Variants in FBXO34 observed in about 807,000 individuals in gnomAD.
FBXO34 encodes the protein F-box only protein 34.
Under a neutral mutation model 24.5 loss-of-function variants are expected in FBXO34, and 12 were observed. That is an observed-to-expected ratio of 0.49 (90% CI 0.31 to 0.79). The LOEUF (loss-of-function observed/expected upper bound fraction) is 0.79, where lower values mean the gene tolerates loss of function less well. Ranked by LOEUF, FBXO34 falls within the 30% of genes least tolerant of loss-of-function variation. The probability of loss-of-function intolerance (pLI) is 0.04; values close to 1 mark genes in which losing one functional copy is unlikely to be tolerated. For missense variants in FBXO34, 823 were observed against 857.7 expected, an observed-to-expected ratio of 0.96 and a Z score of 0.51; for synonymous variants, 320 against 311.9, an observed-to-expected ratio of 1.03 and a Z score of -0.27.
intron 1 of FBXO34, among the ~76,000 whole-genome samples, chr14:55,316,564 CAAAAA>C (rs35008153): frequency 3.4e-5 from 4 of 118,166 alleles, no homozygotes; most frequent in African/African-American, 3.1e-5. Context: ...CTGTCTCTAC[CAAAAA>C]AAAAAAAAAA....
the FBXO34 span, chr14:55,440,565 G>T: frequency 6.4e-7 from 1 of 1,570,794 alleles, no homozygotes; most frequent in Non-Finnish European, 8.6e-7. Flanking sequence ...TGGGGGCAGC[G>T]AGGCGGGGCG....
At chr14:55,365,804 T>C (rs1884665090), downstream of FBXO34, among the ~76,000 whole-genome samples, 1 of 152,164 alleles carries the variant, frequency 6.6e-6, no homozygotes, top group Admixed American at 6.5e-5. Context: ...ACCATGGCAA[T>C]AGCTCCTGAG....
At chr14:55,383,595 AAC>A in the FBXO34 span, among the ~76,000 whole-genome samples, 18 of 151,596 alleles carry the variant, frequency 1.2e-4, no homozygotes, top group East Asian at 1.4e-3. Flanking sequence ...CAACAAAAAA[AAC>A]CCCCAAGAAC....
At chr14:55,330,746 A>C (rs541160102) in intron 1 of FBXO34, among the ~76,000 whole-genome samples, 1 of 152,270 alleles carries the variant, frequency 6.6e-6, no homozygotes, top group Admixed American at 6.5e-5. Context: ...AGCAGTGATC[A>C]CGCCACTGCA....
downstream of FBXO34, among the ~76,000 whole-genome samples, chr14:55,356,228 G>A (rs7144737): frequency 0.4 from 60,082 of 151,972 alleles, 12,160 homozygotes; most frequent in Non-Finnish European, 0.43. Context: ...CCATAGCTCC[G>A]TTCCTTCTTC....
At chr14:55,346,788 G>A (rs1004096280) in intron 1 of FBXO34, among the ~76,000 whole-genome samples, 1 of 152,142 alleles carries the variant, frequency 6.6e-6, no homozygotes, top group Non-Finnish European at 1.5e-5. Flanking sequence ...AGGCCGTTGA[G>A]TTTATTGTGT....
intron 1 of FBXO34, among the ~76,000 whole-genome samples, chr14:55,303,165 G>C (rs1017019039): frequency 5.4e-5 from 8 of 149,216 alleles, no homozygotes; most frequent in African/African-American, 2.0e-4. Context: ...TTTAAATTTT[G>C]AGTGCCTCCC....
At chr14:55,356,755 G>A (rs1026116895), downstream of FBXO34, among the ~76,000 whole-genome samples, 4 of 152,004 alleles carry the variant, frequency 2.6e-5, no homozygotes, top group South Asian at 2.1e-4. Context: ...ACCGTGCCTG[G>A]CTGTTTCTGT....
the FBXO34 span, among the ~76,000 whole-genome samples, chr14:55,422,731 T>C: frequency 2.0e-5 from 3 of 152,102 alleles, no homozygotes; most frequent in African/African-American, 7.2e-5. Context: ...CATGTGCCTG[T>C]AGTCTCAGCT....
the FBXO34 span, chr14:55,436,612 A>T: frequency 6.2e-6 from 10 of 1,614,234 alleles, no homozygotes; most frequent in Non-Finnish European, 8.5e-6. Context: ...CATTGGTGTC[A>T]TGGGAGTTAT....
intron 1 of FBXO34, among the ~76,000 whole-genome samples, chr14:55,325,202 A>G (rs924356522): frequency 1.3e-5 from 2 of 152,222 alleles, no homozygotes; most frequent in Non-Finnish European, 2.9e-5. Flanking sequence ...TTAATCTGTT[A>G]TATTTTAGCA....
At chr14:55,379,421 G>T in the FBXO34 span, among the ~76,000 whole-genome samples, 4 of 151,906 alleles carry the variant, frequency 2.6e-5, no homozygotes, top group African/African-American at 9.7e-5. Flanking sequence ...ATGAACCTGT[G>T]GTCCCAGCAA....
chr14:55,380,855 GTA>G, the FBXO34 span, among the ~76,000 whole-genome samples: 33 of 118,060 alleles, frequency 2.8e-4, no homozygotes, highest in Middle Eastern at 4.6e-3. Flanking sequence ...TTCTTTGTGT[GTA>G]TATATATATA....
At chr14:55,416,521 C>T in the FBXO34 span, among the ~76,000 whole-genome samples, 2 of 152,154 alleles carry the variant, frequency 1.3e-5, no homozygotes, top group African/African-American at 2.4e-5. Context: ...AGGTCTTCAC[C>T]TTCAAAGATT....
At chr14:55,373,539 A>C (rs913708881), downstream of FBXO34, among the ~76,000 whole-genome samples, 30 of 152,164 alleles carry the variant, frequency 2.0e-4, no homozygotes, top group Non-Finnish European at 3.7e-4. Flanking sequence ...AGCTCACTGC[A>C]AACTCCGCCT....
downstream of FBXO34, among the ~76,000 whole-genome samples, chr14:55,374,829 G>C (rs1308079284): frequency 6.6e-6 from 1 of 152,150 alleles, no homozygotes; most frequent in Non-Finnish European, 1.5e-5. Context: ...ACAAGAGTCT[G>C]TTTCGGGACT....
downstream of FBXO34, among the ~76,000 whole-genome samples, chr14:55,362,508 C>T (rs949292880): frequency 6.6e-6 from 1 of 151,782 alleles, no homozygotes; most frequent in Non-Finnish European, 1.5e-5. Context: ...TGTGACAAAG[C>T]AAAGCGCAAA....
At position 55,305,282 on chromosome 14, in the gene FBXO34, C is replaced by T. The variant is rs373824407; in HGVS notation, c.-11+33745C>T. Among the ~76,000 whole-genome samples, 10 of 152,082 alleles carry T rather than the reference C, an allele frequency of 6.6e-5. 1 individual carries two copies. The highest frequency in any genetic ancestry group is 1.4e-4 in the African/African-American group (6 of 41,486). On this transcript the variant is annotated intron_variant, in intron 1 of 1. Coordinates refer to ENST00000313833, the MANE Select transcript of FBXO34 (RefSeq NM_017943.4). ...AAAAAGTTAGCTGGGCATGGTGGTG[C>T]GCACCTGTAGTCCCAGCTACTCAGG...
chr14:55,280,806 G>A (rs1054649531), intron 1 of FBXO34, among the ~76,000 whole-genome samples: 1 of 152,100 alleles, frequency 6.6e-6, no homozygotes, highest in African/African-American at 2.4e-5. Flanking sequence ...GATTACAGGC[G>A]TGAACCACCA....
Sources: allele counts gnomAD v4.1 joint callset (sites outside exome capture counted in the v4.1 genomes callset), GRCh38; gene constraint gnomAD v4.1.1; transcripts MANE v1.5; gene names NCBI Gene and HGNC (gene_info 2026-07-23, HGNC 2026-07-21).